FAT4: variants seen among roughly 807,000 people sequenced by gnomAD.
FAT4 encodes protocadherin Fat 4.
A neutral mutation model predicts 303.9 loss-of-function variants in FAT4; 84 were observed. The observed-to-expected ratio is 0.28, with a 90% CI of 0.23 to 0.33. FAT4 has a LOEUF of 0.33. FAT4 is among the 10% of genes least tolerant of loss of function. FAT4 has a pLI of 1.00. For missense variants in FAT4, 6,005 were observed against 6,146.8 expected, an observed-to-expected ratio of 0.98 and a Z score of 0.77; for synonymous variants, 2,307 against 2,298.8, an observed-to-expected ratio of 1.00 and a Z score of -0.10.
intron 2 of FAT4, among the ~76,000 whole-genome samples, chr4:125,347,971 G>C (rs1344996580): frequency 6.6e-6 from 1 of 151,550 alleles, no homozygotes; most frequent in Non-Finnish European, 1.5e-5. Flanking sequence ...GGGATGTCTG[G>C]AGTTGAAAAA....
At chr4:125,329,143 A>G (rs1414210851) in intron 2 of FAT4, among the ~76,000 whole-genome samples, 1 of 152,122 alleles carries the variant, frequency 6.6e-6, no homozygotes, top group Non-Finnish European at 1.5e-5. Flanking sequence ...ATATATTTCC[A>G]TTCTTTCAGT....
intron 2 of FAT4, among the ~76,000 whole-genome samples, chr4:125,382,579 T>C (rs1220635677): frequency 6.6e-6 from 1 of 152,160 alleles, no homozygotes; most frequent in East Asian, 1.9e-4. Context: ...AGAGTAGACA[T>C]AGCATACTTC....
intron 2 of FAT4, among the ~76,000 whole-genome samples, chr4:125,358,516 C>T (rs1176649250): frequency 6.6e-6 from 1 of 151,996 alleles, no homozygotes; most frequent in East Asian, 1.9e-4. Context: ...TCATAAGGAG[C>T]GTGCAACTTA....
chr4:125,461,001 C>A (rs1578672267), intron 10 of FAT4, among the ~76,000 whole-genome samples: 1 of 152,022 alleles, frequency 6.6e-6, no homozygotes, highest in South Asian at 2.1e-4. Context: ...GAATCAGATT[C>A]TATTGAGAAT....
chr4:125,452,945 G>C, intron 10 of FAT4, 135 bp downstream of exon 10: 1 of 1,149,052 alleles, frequency 8.7e-7, no homozygotes, highest in East Asian at 2.4e-5. Flanking sequence ...AACATTTACT[G>C]TTGGTCAAAT....
chr4:125,352,658 C>G (rs1238137653), intron 2 of FAT4, among the ~76,000 whole-genome samples: 2 of 151,712 alleles, frequency 1.3e-5, no homozygotes, highest in Non-Finnish European at 3.0e-5. Context: ...ATGGGCTTCC[C>G]TAATTTCAGA....
intron 7 of FAT4, among the ~76,000 whole-genome samples, chr4:125,432,013 A>G (rs1334596122): frequency 6.6e-6 from 1 of 152,198 alleles, no homozygotes. Context: ...TAGCCTTAAT[A>G]TATTGCTTGT....
At chr4:125,448,309 G>A (rs1725899039) in intron 9 of FAT4, 152 bp from the exon 10 acceptor site, 4 of 676,460 alleles carry the variant, frequency 5.9e-6, no homozygotes, top group Admixed American at 3.3e-5. Flanking sequence ...TGTGAACCTC[G>A]GAGAAAATAT....
intron 3 of FAT4, among the ~76,000 whole-genome samples, chr4:125,401,463 TTGAG>T (rs1734386168): frequency 2.6e-5 from 4 of 152,094 alleles, no homozygotes; most frequent in African/African-American, 9.6e-5. Flanking sequence ...TTCATCTAGT[TTGAG>T]TAAGACTCGA....
intron 2 of FAT4, among the ~76,000 whole-genome samples, chr4:125,371,060 A>G (rs1023438261): frequency 2.0e-5 from 3 of 151,180 alleles, no homozygotes; most frequent in Admixed American, 6.6e-5. Flanking sequence ...AGGCAGGCAA[A>G]TCGCTTAAAT....
At chr4:125,397,814 C>G (rs1331556973) in intron 2 of FAT4, among the ~76,000 whole-genome samples, 1 of 152,110 alleles carries the variant, frequency 6.6e-6, no homozygotes, top group Non-Finnish European at 1.5e-5. Flanking sequence ...CCTTCAGATT[C>G]ATCCTTATCA....
chr4:125,489,847 C>CCTTTTTTT, intron 17 of FAT4, 54 bp from the exon 18 acceptor site: 6 of 445,940 alleles, frequency 1.3e-5, no homozygotes, highest in Non-Finnish European at 2.0e-5. Flanking sequence ...AGTATAAGCT[C>CCTTTTTTT]TTTTTTTTTT....
At position 125,406,991 on chromosome 4, in the gene FAT4, C is replaced by T. The variant is rs746989506; in HGVS notation, c.5419C>T (p.Arg1807Cys). ...AACCAGGCGGTTGGACAGGGAACGCCGCTCCAAATATTCACTGCTAGTTCG... is the reference window on the plus strand; with the variant it reads ...AACCAGGCGGTTGGACAGGGAACGCTGCTCCAAATATTCACTGCTAGTTCG... Reference protein sequence around the residue: ...IATRRLDRERRSKYSLLVRAD... With the variant: ...IATRRLDRERCSKYSLLVRAD... Residue 1807 changes from arginine to cysteine, a missense_variant, in exon 4 of 18, where the codon CGC (arginine) becomes TGC (cysteine). By Grantham distance (180) the Arg-to-Cys change is radical. Transcript: ENST00000394329. 12 of 1,613,748 alleles carry T rather than the reference C, an allele frequency of 7.4e-6. No homozygotes were observed. The highest frequency in any genetic ancestry group is 1.7e-4 in the Middle Eastern group (1 of 6,058).
Position 125,445,008 on chromosome 4 carries a change from G to A in FAT4, c.7200-1285G>A, listed in dbSNP as rs189230128. ...AGAATATATATTATCTACTGTAAAG[G>A]GCAATAATTATACCTAATAGTCACT... On this transcript the variant is annotated intron_variant, in intron 8 of 17. Coordinates refer to ENST00000394329, the MANE Select transcript of FAT4 (RefSeq NM_001291303.3). Among the ~76,000 whole-genome samples the A allele has an allele frequency of 2.1e-3, 312 of 151,680 alleles. 2 individuals carry two copies. Among genetic ancestry groups the A allele is most frequent in the African/African-American group, 6.9e-3 (284 of 41,406 alleles).
Position 125,408,810 on chromosome 4 carries a change from AAT to A in FAT4, c.5920+20_5920+21del. The A allele has an allele frequency of 7.8e-7, 1 of 1,275,766 alleles. No homozygotes were observed. Among genetic ancestry groups the A allele is most frequent in the Non-Finnish European group, 1.1e-6 (1 of 943,888 alleles). The allele number at this position is 1,275,766 out of a possible 1,614,324, so 79.0% of individuals were successfully genotyped here. ...GCAGATGATGGTATGTATTTTATTTAATATAATTTTTAAAACATCTATAAACT... is the reference window on the plus strand; with the variant it reads ...GCAGATGATGGTATGTATTTTATTTAATAATTTTTAAAACATCTATAAACT... On this transcript the variant is annotated intron_variant, in intron 5 of 17. Coordinates refer to ENST00000394329, the MANE Select transcript of FAT4 (RefSeq NM_001291303.3).
chr4:125,424,208 T>G (rs1291052827), intron 7 of FAT4, among the ~76,000 whole-genome samples: 1 of 152,138 alleles, frequency 6.6e-6, no homozygotes, highest in Non-Finnish European at 1.5e-5. Flanking sequence ...AATCTCATCG[T>G]GAATTGTAGT....
chr4:125,379,460 T>G (rs762070967), intron 2 of FAT4, among the ~76,000 whole-genome samples: 36 of 152,096 alleles, frequency 2.4e-4, no homozygotes, highest in Non-Finnish European at 4.3e-4. Context: ...TTTTTATTTT[T>G]ATTTATTTAT....
rs1187033512 is a variant in FAT4 at position 125,318,349 on chromosome 4, C to G, written c.1938C>G (p.Ser646=). The G allele has an allele frequency of 2.5e-6, 4 of 1,614,192 alleles. No homozygotes were observed. In the East Asian group the frequency reaches 8.9e-5, roughly 36 times the overall value. The stretch of plus-strand genomic sequence containing the variant: ...CTGGGAGGTTGAGTACTATTTCCTC[C>G]TTGGACAGAGAAGAGCAAGCCTTCT... ...PVSGRLSTIS[S]LDREEQAFYS... Residue 646 remains serine, a synonymous_variant, in exon 2 of 18, where the codon TCC becomes TCG. Transcript: ENST00000394329.
chr4:125,364,099 T>G (rs1732771911), intron 2 of FAT4, among the ~76,000 whole-genome samples: 2 of 151,976 alleles, frequency 1.3e-5, no homozygotes, highest in Non-Finnish European at 2.9e-5. Flanking sequence ...TATTTTTTGC[T>G]TACTTTTGTG....
Sources: allele counts gnomAD v4.1 joint callset (sites outside exome capture counted in the v4.1 genomes callset), GRCh38; gene constraint gnomAD v4.1.1; transcripts MANE v1.5; gene names NCBI Gene and HGNC (gene_info 2026-07-23, HGNC 2026-07-21).